The following NBN variants were observed in gnomAD, a reference collection of about 807,000 sequenced individuals.
The protein encoded by NBN is nibrin, also known as Nijmegen breakage syndrome 1 (nibrin).
Under a neutral mutation model 90.8 loss-of-function variants are expected in NBN, and 88 were observed. The observed-to-expected ratio is 0.97, with a 90% CI of 0.82 to 1.16. The LOEUF is 1.16. NBN is among the 50% of genes most tolerant of loss of function. The pLI is 0.00. For synonymous variants in NBN, 328 were observed against 295.1 expected (o/e 1.11, Z -1.14); for missense variants, 894 against 869.6 (o/e 1.03, Z -0.35).
intron 8 of NBN, among the ~76,000 whole-genome samples, chr8:89,959,698 G>C (rs1193226238): frequency 6.6e-6 from 1 of 152,206 alleles, no homozygotes; most frequent in Non-Finnish European, 1.5e-5. Flanking sequence ...AGGCTGCAGT[G>C]AGCAGTGATT....
At chr8:89,982,265 T>C (rs917339557) in intron 2 of NBN, 1 of 238,198 alleles carries the variant, frequency 4.2e-6, no homozygotes, top group African/African-American at 2.4e-5. Context: ...ACTTGTATTA[T>C]ATGAGAAATG....
chr8:89,966,448 T>C (rs937037506), intron 7 of NBN, among the ~76,000 whole-genome samples: 6 of 152,186 alleles, frequency 3.9e-5, no homozygotes, highest in African/African-American at 7.2e-5. Flanking sequence ...ATCATTCATT[T>C]ATAATAATAT....
At chr8:89,946,914 T>C (rs887727119) in intron 12 of NBN, among the ~76,000 whole-genome samples, 18 of 152,182 alleles carry the variant, frequency 1.2e-4, no homozygotes, top group African/African-American at 4.1e-4. Context: ...CTTCGTGTCA[T>C]TTACTATTAA....
rs1276093047 is a variant in NBN, at chr8:89,979,990, G to C, written c.480+744C>G. On this transcript the variant is annotated intron_variant, in intron 4 of 15. Transcript: ENST00000265433. ...GCATCCCTACTGAAAACCATAAATG[G>C]ACACTTTGATTTGTAAATCTACTAT... Among the ~76,000 whole-genome samples, 7 of 152,078 alleles carry C rather than the reference G, an allele frequency of 4.6e-5. No homozygotes were observed. The East Asian group carries it at 1.2e-3, about 25-fold the overall frequency.
intron 11 of NBN, among the ~76,000 whole-genome samples, chr8:89,951,789 A>G (rs1805810): frequency 0.026 from 3,923 of 151,990 alleles, 75 homozygotes; most frequent in Non-Finnish European, 0.044. Context: ...TGAACTTCTC[A>G]CTCTGGCTGC....
rs1264771410 is a variant in NBN, at chr8:89,933,783, TAAAG to T, written c.*1795_*1798del. ...TAAAACTTCTATTCATCAAAAGACA[TAAAG>T]AAAACAGTCAAGCCACAGACTAGGT... On this transcript the variant is annotated 3_prime_UTR_variant, in exon 16 of 16. Coordinates refer to ENST00000265433, the MANE Select transcript of NBN (RefSeq NM_002485.5). The T allele has an allele frequency of 4.3e-6, 1 of 232,070 alleles. No homozygotes were observed. The highest frequency in any genetic ancestry group is 2.2e-5 in the African/African-American group (1 of 45,200). The allele number at this position is 232,070 out of a possible 1,614,324, so 14.4% of individuals were successfully genotyped here. A position where few individuals can be genotyped will look rare whatever the true frequency, so the allele number is the denominator to read the frequency against.
chr8:89,942,417 A>G (rs1809993015), intron 14 of NBN, among the ~76,000 whole-genome samples: 1 of 152,176 alleles, frequency 6.6e-6, no homozygotes, highest in Non-Finnish European at 1.5e-5. Context: ...TCTGAACTTA[A>G]TACTCAAGAA....
intron 11 of NBN, among the ~76,000 whole-genome samples, chr8:89,952,270 G>A (rs1810478538): frequency 6.6e-6 from 1 of 152,144 alleles, no homozygotes; most frequent in Admixed American, 6.6e-5. Flanking sequence ...ACTTATCCTG[G>A]GAAGGAAAAT....
rs757787958 is a variant in NBN at position 89,970,370 on chromosome 8, A to G, written c.890T>C (p.Leu297Pro). Residue 297 changes from leucine to proline, a missense_variant, in exon 7 of 16, where the codon CTC (leucine) becomes CCC (proline). Leu to Pro is a moderately conservative substitution (Grantham distance 98). Coordinates refer to ENST00000265433, the MANE Select transcript of NBN (RefSeq NM_002485.5). ...KKWIQSIMDM[L>P]QRQGLRPIPE... is the part of the protein sequence containing the mutation. ...ATAAAGAATAATTCTATACCTTTGG[A>G]GCATATCCATTATTGACTGAATCCA... 6.2e-7 allele frequency: 1 copy of G among 1,607,668 alleles called. No homozygotes were observed. Among genetic ancestry groups the G allele is most frequent in the Non-Finnish European group, 8.5e-7 (1 of 1,174,364 alleles).
intron 14 of NBN, 95 bp downstream of exon 14, chr8:89,943,158 A>G: frequency 7.6e-7 from 1 of 1,310,652 alleles, no homozygotes; most frequent in Non-Finnish European, 1.1e-6. Flanking sequence ...TATGTCACTT[A>G]TTTTAATTTG....
At chr8:89,935,648 A>G (rs747678430) in intron 15 of NBN, 36 bp from the exon 16 acceptor site, 10 of 1,599,060 alleles carry the variant, frequency 6.3e-6, no homozygotes, top group Non-Finnish European at 8.6e-6. Context: ...TGATATTTAG[A>G]TAAGGGATGG....
At chr8:89,959,026 C>G (rs1810870108) in intron 8 of NBN, 172 bp from the exon 9 acceptor site, 3 of 293,078 alleles carry the variant, frequency 1.0e-5, no homozygotes, top group Non-Finnish European at 1.5e-5. Context: ...TATAAGCAGC[C>G]TGCGGGCATC....
chr8:89,937,318 C>CAATA lies in NBN; in HGVS notation c.2185-247_2185-244dup, dbSNP rs13312968. 4 of 519,268 alleles carry CAATA rather than the reference C, an allele frequency of 7.7e-6. No individual in the cohort carries two copies. The Admixed American group carries it at 1.3e-4, about 17-fold the overall frequency. 32.2% of individuals were successfully genotyped at this position (519,268 alleles called of 1,614,324 possible). ...CCACCCATCTCCACTCAAAGACAAC[C>CAATA]AATAGTATATTGCTAGCTTGCTGAG... On this transcript the variant is annotated intron_variant, in intron 14 of 15. Coordinates refer to ENST00000265433, the MANE Select transcript of NBN (RefSeq NM_002485.5).
At chr8:89,980,674 G>T in intron 4 of NBN, 60 bp downstream of exon 4, 1 of 1,438,714 alleles carries the variant, frequency 7.0e-7, no homozygotes. Flanking sequence ...TCTGTGTATA[G>T]TGGGTAAGCT....
intron 5 of NBN, among the ~76,000 whole-genome samples, chr8:89,976,347 A>C (rs2339025): frequency 6.6e-6 from 1 of 152,038 alleles, no homozygotes; most frequent in African/African-American, 2.4e-5. Context: ...TGGAAGGCCA[A>C]AAGGTTTTAC....
chr8:89,971,406 A>T (rs1391197154), intron 5 of NBN, 116 bp from the exon 6 acceptor site: 11 of 1,202,886 alleles, frequency 9.1e-6, no homozygotes, highest in Non-Finnish European at 1.2e-5. Flanking sequence ...CCTTTATAGT[A>T]TTTTTTTTAA....
intron 1 of NBN, chr8:89,984,310 C>A: frequency 3.2e-6 from 2 of 620,218 alleles, no homozygotes; most frequent in Non-Finnish European, 5.9e-6. Flanking sequence ...GGGGGCGCCG[C>A]AATCACCCCA....
At chr8:89,984,375 G>A in intron 1 of NBN, 150 bp downstream of exon 1, 1 of 743,680 alleles carries the variant, frequency 1.3e-6, no homozygotes, top group Non-Finnish European at 2.3e-6. Flanking sequence ...AAGAATATGC[G>A]CTTGCCATAC....
intron 5 of NBN, among the ~76,000 whole-genome samples, chr8:89,972,077 A>G (rs1811547137): frequency 6.6e-6 from 1 of 152,142 alleles, no homozygotes; most frequent in Admixed American, 6.5e-5. Flanking sequence ...AGGGAGGGAG[A>G]AATTCACAAC....
Sources: gnomAD v4.1 joint callset for allele counts (sites outside exome capture counted in the v4.1 genomes callset) on GRCh38, gnomAD v4.1.1 for gene constraint, MANE v1.5 for transcripts, NCBI Gene and HGNC (gene_info 2026-07-23, HGNC 2026-07-21) for gene names.